The following ADAM28 variants were observed in gnomAD, a reference collection of about 807,000 sequenced individuals.
ADAM28 encodes the protein disintegrin and metalloproteinase domain-containing protein 28.
Under a neutral mutation model 101.2 loss-of-function variants are expected in ADAM28, and 105 were observed. The ratio of observed to expected loss-of-function variants is 1.04; its 90% CI spans 0.89 to 1.22. The LOEUF (loss-of-function observed/expected upper bound fraction) is 1.22. Among genes scored for constraint, ADAM28 ranks in the 50% most tolerant of loss-of-function variants. The probability of loss-of-function intolerance (pLI) is 0.00; values close to 1 mark genes in which losing one functional copy is unlikely to be tolerated. For synonymous variants in ADAM28, 322 were observed against 310.6 expected (o/e 1.04, Z -0.39); for missense variants, 1,028 against 945.4 (o/e 1.09, Z -1.15).
chr8:24,337,247 T>C (rs1814214895), intron 14 of ADAM28, among the ~76,000 whole-genome samples: 1 of 152,232 alleles, frequency 6.6e-6, no homozygotes, highest in African/African-American at 2.4e-5. Flanking sequence ...TGCGCCAGGT[T>C]AAAGGTGGAA....
intron 19 of ADAM28, 102 bp downstream of exon 19, chr8:24,350,074 T>G: frequency 9.8e-7 from 1 of 1,018,656 alleles, no homozygotes; most frequent in East Asian, 2.6e-5. Context: ...ATTGGTTTAC[T>G]TCTAATATTC....
chr8:24,327,160 C>T (rs551005046), intron 10 of ADAM28, among the ~76,000 whole-genome samples: 355 of 152,148 alleles, frequency 2.3e-3, no homozygotes, highest in Non-Finnish European at 4.5e-3. Context: ...TCGTATCAGC[C>T]AAAAATATCC....
chr8:24,336,485 C>T (rs1563313035), intron 14 of ADAM28, among the ~76,000 whole-genome samples: 1 of 144,726 alleles, frequency 6.9e-6, no homozygotes, highest in East Asian at 2.1e-4. Context: ...GAGGCTGAGG[C>T]AGGAGAAGGG....
At chr8:24,300,141 C>A (rs1438562588) in intron 2 of ADAM28, 64 bp downstream of exon 2, 4 of 1,287,246 alleles carry the variant, frequency 3.1e-6, no homozygotes, top group East Asian at 2.3e-5. Context: ...ATATATATAT[C>A]TATCTATGAT....
Position 24,351,995 on chromosome 8 carries a change from G to GATGA in ADAM28, c.2189_2192dup (p.Lys731AsnfsTer7), listed in dbSNP as rs1563332494. 2.5e-6 allele frequency: 4 copies of GATGA among 1,613,504 alleles called. No individual in the cohort carries two copies. The highest frequency in any genetic ancestry group is 3.4e-6 in the Non-Finnish European group (4 of 1,179,688). ...TTCGTTCTTCTTTTCAGATGAGTCA[G>GATGA]ATGAAGCCCCATGTGTATGATCTGC... On this transcript the variant is annotated frameshift_variant, in exon 21 of 23. Coordinates refer to ENST00000265769, the MANE Select transcript of ADAM28 (RefSeq NM_014265.6). LOFTEE classifies it high-confidence loss of function.
In ADAM28 at chr8:24,339,522, G is replaced by A. The variant is rs191658345; in HGVS notation, c.1624G>A (p.Gly542Arg). 1.7e-5 allele frequency: 28 copies of A among 1,613,042 alleles called. No individual in the cohort carries two copies. The highest frequency in any genetic ancestry group is 2.2e-5 in the East Asian group (1 of 44,832). Residue 542 changes from glycine to arginine, a missense_variant, in exon 15 of 23, where the codon GGG (glycine) becomes AGG (arginine). Transcript: ENST00000265769. ...CAGGAATGAAGGTGGGTCAAAGTAC[G>A]GGTACTGTCGCAGAGTGGATGACAC... is the stretch of plus-strand genomic sequence containing the variant. The part of the protein sequence containing the change: ...YNRNEGGSKY[G>R]YCRRVDDTLI...
chr8:24,308,814 C>T (rs1479435669), intron 2 of ADAM28: 5 of 413,708 alleles, frequency 1.2e-5, no homozygotes, highest in African/African-American at 4.1e-5. Flanking sequence ...AATCCCAGCA[C>T]GGTGCTCATG....
At chr8:24,331,090 T>C in intron 11 of ADAM28, 60 bp from the exon 12 acceptor site, 3 of 1,488,428 alleles carry the variant, frequency 2.0e-6, no homozygotes, top group African/African-American at 2.8e-5. Flanking sequence ...TAATGTCAGA[T>C]ACTGCTTCGC....
chr8:24,303,588 T>G (rs1289196934), intron 2 of ADAM28, among the ~76,000 whole-genome samples: 1 of 152,200 alleles, frequency 6.6e-6, no homozygotes, highest in Non-Finnish European at 1.5e-5. Flanking sequence ...GCCTCCAGCT[T>G]TGTTCTTTTT....
intron 1 of ADAM28, among the ~76,000 whole-genome samples, chr8:24,298,911 G>T (rs1017722393): frequency 4.6e-5 from 7 of 152,052 alleles, no homozygotes; most frequent in African/African-American, 1.4e-4. Flanking sequence ...TGACTTCTAG[G>T]CCAGGTGCTG....
intron 18 of ADAM28, among the ~76,000 whole-genome samples, chr8:24,348,458 G>A (rs1358385231): frequency 1.3e-5 from 2 of 152,098 alleles, no homozygotes; most frequent in East Asian, 3.9e-4. Context: ...TTTGCTGTTG[G>A]TTCATTTGCC....
Position 24,356,642 on chromosome 8 carries a change from C to T in ADAM28, c.*2238C>T, listed in dbSNP as rs1816704236. The T allele has an allele frequency of 6.6e-6, 1 of 152,148 alleles. No homozygotes were observed. The highest frequency in any genetic ancestry group is 2.4e-5 in the African/African-American group (1 of 41,448). 9.4% of individuals were successfully genotyped at this position (152,148 alleles called of 1,614,324 possible). A position where few individuals can be genotyped will look rare whatever the true frequency, so the allele number is the denominator to read the frequency against. ...CTTTTTGATTTCACAATACTGTTTC[C>T]ACACTTACTTATATCCGTAACTTTC... On this transcript the variant is annotated 3_prime_UTR_variant, in exon 23 of 23. Coordinates refer to ENST00000265769, the MANE Select transcript of ADAM28 (RefSeq NM_014265.6).
At chr8:24,311,975 G>A (rs1413016459) in intron 5 of ADAM28, among the ~76,000 whole-genome samples, 1 of 152,078 alleles carries the variant, frequency 6.6e-6, no homozygotes, top group Admixed American at 6.6e-5. Context: ...CTGACCTCAA[G>A]TAGTCTGCCC....
intron 19 of ADAM28, 39 bp downstream of exon 19, chr8:24,350,011 C>A (rs761140108): frequency 3.8e-6 from 6 of 1,573,652 alleles, no homozygotes; most frequent in Non-Finnish European, 5.2e-6. Context: ...GACTCTTTGA[C>A]CCCTATTTTA....
chr8:24,335,040 A>C (rs913335014), intron 13 of ADAM28, among the ~76,000 whole-genome samples: 1 of 152,206 alleles, frequency 6.6e-6, no homozygotes, highest in Non-Finnish European at 1.5e-5. Flanking sequence ...ATCTCCTTGA[A>C]TACCGAAGAT....
At chr8:24,302,893 A>G (rs1439073019) in intron 2 of ADAM28, among the ~76,000 whole-genome samples, 1 of 148,420 alleles carries the variant, frequency 6.7e-6, no homozygotes, top group Non-Finnish European at 1.5e-5. Context: ...TACATTAGGT[A>G]TATCTCCTAA....
intron 17 of ADAM28, 152 bp downstream of exon 17, chr8:24,343,333 C>G: frequency 8.7e-7 from 1 of 1,155,460 alleles, no homozygotes; most frequent in South Asian, 1.5e-5. Flanking sequence ...GGAGAAATTT[C>G]TTCTGGGAAT....
At chr8:24,353,674 A>G (rs2129345368) in intron 21 of ADAM28, 96 bp from the exon 22 acceptor site, 1 of 856,762 alleles carries the variant, frequency 1.2e-6, no homozygotes, top group Non-Finnish European at 1.9e-6. Flanking sequence ...AGTGAAGAAG[A>G]GCTAGGAAAT....
intron 2 of ADAM28, among the ~76,000 whole-genome samples, chr8:24,303,100 C>G (rs1055017583): frequency 4.6e-5 from 7 of 151,998 alleles, no homozygotes; most frequent in Non-Finnish European, 7.4e-5. Context: ...GTTGTCTGTT[C>G]ACTCTGATGA....
Sources: allele counts gnomAD v4.1 joint callset (sites outside exome capture counted in the v4.1 genomes callset), GRCh38; gene constraint gnomAD v4.1.1; transcripts MANE v1.5; gene names NCBI Gene and HGNC (gene_info 2026-07-23, HGNC 2026-07-21).